Variants in CHSY1 observed in about 807,000 individuals in gnomAD.
The protein encoded by CHSY1 is chondroitin sulfate synthase 1.
CHSY1 carries 13 observed loss-of-function variants against 59.8 expected under a neutral mutation model. The ratio of observed to expected loss-of-function variants is 0.22; its 90% CI spans 0.14 to 0.35. The LOEUF is 0.35. CHSY1 is among the 10% of genes least tolerant of loss of function. The probability of loss-of-function intolerance (pLI) is 1.00; values close to 1 mark genes in which losing one functional copy is unlikely to be tolerated. For synonymous variants in CHSY1, 459 were observed against 401.2 expected (o/e 1.14, Z -1.72); for missense variants, 947 against 1,030.6 (o/e 0.92, Z 1.11).
chr15:101,205,892 C>T (rs1017745746), intron 2 of CHSY1, among the ~76,000 whole-genome samples: 2 of 151,566 alleles, frequency 1.3e-5, no homozygotes, highest in Non-Finnish European at 2.9e-5. Context: ...GCGGAGCTTG[C>T]AGTGAGCCGA....
intron 2 of CHSY1, among the ~76,000 whole-genome samples, chr15:101,210,727 C>G (rs2038674140): frequency 1.3e-5 from 2 of 152,120 alleles, no homozygotes; most frequent in Admixed American, 6.5e-5. Flanking sequence ...CTGCCAGAAG[C>G]AAAATTATAT....
chr15:101,201,593 G>A (rs956881406), intron 2 of CHSY1, among the ~76,000 whole-genome samples: 1 of 152,208 alleles, frequency 6.6e-6, no homozygotes, highest in African/African-American at 2.4e-5. Flanking sequence ...GAGGAGGCAG[G>A]AAGACTCCAA....
intron 2 of CHSY1, among the ~76,000 whole-genome samples, chr15:101,196,735 C>T (rs148009406): frequency 8.1e-4 from 123 of 152,276 alleles, no homozygotes; most frequent in African/African-American, 2.8e-3. Context: ...GTCAAACATT[C>T]GATATAGGCT....
intron 2 of CHSY1, among the ~76,000 whole-genome samples, chr15:101,225,464 A>G (rs2038832174): frequency 6.6e-6 from 1 of 152,196 alleles, no homozygotes; most frequent in Non-Finnish European, 1.5e-5. Flanking sequence ...TCATGTTGAA[A>G]TGTAATCTCC....
At chr15:101,233,624 T>C (rs1327645239) in intron 2 of CHSY1, among the ~76,000 whole-genome samples, 4 of 152,138 alleles carry the variant, frequency 2.6e-5, no homozygotes, top group Admixed American at 2.0e-4. Context: ...CAGTGAGCTG[T>C]CCCCTATGTG....
At chr15:101,200,906 T>A (rs1252290748) in intron 2 of CHSY1, among the ~76,000 whole-genome samples, 1 of 152,156 alleles carries the variant, frequency 6.6e-6, no homozygotes, top group Non-Finnish European at 1.5e-5. Flanking sequence ...CCAGGTCTCA[T>A]GTTGCCAGGC....
intron 2 of CHSY1, among the ~76,000 whole-genome samples, chr15:101,204,326 C>T (rs1215760111): frequency 1.3e-5 from 2 of 151,010 alleles, no homozygotes; most frequent in African/African-American, 2.4e-5. Context: ...CCCAGCTACT[C>T]GGGAGGGTGA....
intron 2 of CHSY1, among the ~76,000 whole-genome samples, chr15:101,196,371 T>C (rs548907189): frequency 6.6e-6 from 1 of 152,292 alleles, no homozygotes. Context: ...CACTTTCTGG[T>C]GTCCCATGCT....
chr15:101,236,060 A>G (rs1335480710), intron 1 of CHSY1, among the ~76,000 whole-genome samples: 2 of 152,226 alleles, frequency 1.3e-5, no homozygotes, highest in African/African-American at 4.8e-5. Flanking sequence ...AGAGACAGAC[A>G]CTTACCAGAA....
Position 101,251,340 on chromosome 15 carries a change from TG to T in CHSY1, c.116del (p.Pro39HisfsTer54). 1 of 1,138,948 alleles carries T rather than the reference TG, an allele frequency of 8.8e-7. No homozygotes were observed. 70.6% of individuals were successfully genotyped at this position (1,138,948 alleles called of 1,614,324 possible). ...PRASELKRAG[P>X]RRRASPEGCR... Reference sequence around the variant, plus strand: ...AGCCCTCGGGGCTGGCGCGGCGCCGTGGGCCCGCTCGCTTCAGCTCGGAAGC... The same window carrying T: ...AGCCCTCGGGGCTGGCGCGGCGCCGTGGCCCGCTCGCTTCAGCTCGGAAGC... On this transcript the variant is annotated frameshift_variant, in exon 1 of 3. Transcript: ENST00000254190. LOFTEE classifies it high-confidence loss of function.
At chr15:101,228,792 C>T (rs1044899531) in intron 2 of CHSY1, among the ~76,000 whole-genome samples, 5 of 152,094 alleles carry the variant, frequency 3.3e-5, no homozygotes, top group African/African-American at 1.2e-4. Flanking sequence ...GAATAAGAAG[C>T]CCCATAAGGG....
chr15:101,234,434 G>C (rs2038919873), intron 2 of CHSY1, among the ~76,000 whole-genome samples: 1 of 152,174 alleles, frequency 6.6e-6, no homozygotes, highest in Non-Finnish European at 1.5e-5. Flanking sequence ...CTACATTCTT[G>C]CAATTACATC....
chr15:101,227,024 T>C (rs1451149658), intron 2 of CHSY1, among the ~76,000 whole-genome samples: 1 of 152,058 alleles, frequency 6.6e-6, no homozygotes, highest in Non-Finnish European at 1.5e-5. Context: ...CTGACAAAAA[T>C]GGGCAGAGGC....
In CHSY1 at chr15:101,230,460, T is replaced by C. The variant is rs1341082055; in HGVS notation, c.816+4622A>G. ...AAAACCTCTCATGAGGTGATGGACA[T>C]GTCAACCTTCCTGATTTGATCCTTA... On this transcript the variant is annotated intron_variant, in intron 2 of 2. Transcript: ENST00000254190. 3.3e-5 allele frequency among the ~76,000 whole-genome samples: 5 copies of C among 152,308 alleles called. No homozygotes were observed. The East Asian group carries it at 5.8e-4, about 18-fold the overall frequency.
At chr15:101,242,458 G>A (rs1391093365) in intron 1 of CHSY1, 1 of 152,284 alleles carries the variant, frequency 6.6e-6, no homozygotes, top group Non-Finnish European at 1.5e-5. Flanking sequence ...GAAGTCACGA[G>A]ACTGTGTCCT....
At chr15:101,224,258 C>G (rs1268750833) in intron 2 of CHSY1, among the ~76,000 whole-genome samples, 3 of 152,152 alleles carry the variant, frequency 2.0e-5, no homozygotes, top group Non-Finnish European at 4.4e-5. Flanking sequence ...AACTCATTGC[C>G]AGTAACATGG....
chr15:101,247,918 G>A (rs888114334), intron 1 of CHSY1, among the ~76,000 whole-genome samples: 4 of 152,176 alleles, frequency 2.6e-5, no homozygotes, highest in African/African-American at 7.2e-5. Flanking sequence ...TTGTTGGAAT[G>A]AAGAGGTTGC....
intron 2 of CHSY1, among the ~76,000 whole-genome samples, chr15:101,198,107 G>C (rs1429576858): frequency 6.6e-6 from 1 of 151,950 alleles, no homozygotes; most frequent in East Asian, 1.9e-4. Context: ...TGTGAACCAA[G>C]ACCCCCCCAA....
chr15:101,202,406 T>C, intron 2 of CHSY1, among the ~76,000 whole-genome samples: 1 of 88,094 alleles, frequency 1.1e-5, no homozygotes, highest in South Asian at 4.9e-4. Flanking sequence ...GGAGGGCATT[T>C]CTGCAGGAGG....
Sources: gnomAD v4.1 joint callset for allele counts (sites outside exome capture counted in the v4.1 genomes callset) on GRCh38, gnomAD v4.1.1 for gene constraint, MANE v1.5 for transcripts, NCBI Gene and HGNC (gene_info 2026-07-23, HGNC 2026-07-21) for gene names.